Variants in INCA1 observed in about 807,000 individuals in gnomAD.
INCA1 encodes inhibitor of CDK, cyclin A1 interacting protein 1.
A neutral mutation model predicts 25.7 loss-of-function variants in INCA1; 28 were observed. That is an observed-to-expected ratio of 1.09 (90% CI 0.81 to 1.49). The LOEUF (loss-of-function observed/expected upper bound fraction) is 1.49, where lower values mean the gene tolerates loss of function less well. Among genes scored for constraint, INCA1 ranks in the 40% most tolerant of loss-of-function variants. The pLI is 0.00. For missense variants in INCA1, 309 were observed against 290.9 expected (o/e 1.06, Z -0.45); for synonymous variants, 111 against 103.6 (o/e 1.07, Z -0.43).
exon 1 of INCA1, chr17:4,997,023 G>C (rs1974337178): frequency 6.5e-6 from 1 of 152,986 alleles, no homozygotes; most frequent in Admixed American, 6.5e-5. Flanking sequence ...GGGCAGGATG[G>C]AGCTGAAGGA....
chr17:4,990,362 A>G (rs1973789037), intron 2 of INCA1, 97 bp from the exon 3 acceptor site: 1 of 1,401,212 alleles, frequency 7.1e-7, no homozygotes, highest in Non-Finnish European at 9.6e-7. Flanking sequence ...GGGACTATAA[A>G]GCTGCCCAGG....
intron 5 of INCA1, among the ~76,000 whole-genome samples, chr17:4,989,198 C>G (rs953478032): frequency 2.0e-5 from 3 of 152,272 alleles, no homozygotes; most frequent in African/African-American, 2.4e-5. Context: ...ATCTAGTTTC[C>G]ACTCCTTCCA....
At chr17:4,990,772 A>C (rs1389947095) in intron 2 of INCA1, among the ~76,000 whole-genome samples, 1 of 150,802 alleles carries the variant, frequency 6.6e-6, no homozygotes, top group East Asian at 2.0e-4. Context: ...AATCCCAGCT[A>C]CTCGGGAGGC....
intron 5 of INCA1, among the ~76,000 whole-genome samples, 180 bp downstream of exon 5, chr17:4,989,248 C>G (rs1331610703): frequency 1.3e-5 from 2 of 152,306 alleles, no homozygotes; most frequent in Middle Eastern, 3.4e-3. Flanking sequence ...TTCCCTCCTT[C>G]TTTCCATATT....
At chr17:4,996,795 G>A (rs956087775) in intron 1 of INCA1, 4 of 152,934 alleles carry the variant, frequency 2.6e-5, no homozygotes, top group African/African-American at 4.8e-5. Context: ...GGGAACTAGG[G>A]ATGGGCTGGG....
At position 4,988,384 on chromosome 17, in the gene INCA1, C is replaced by CTCGGCA. The variant is rs769050564; in HGVS notation, c.*15_*20dup. On this transcript the variant is annotated 3_prime_UTR_variant, in exon 7 of 7. Transcript: ENST00000576820. The stretch of plus-strand genomic sequence containing the variant: ...TGGGTCCCTGGGGCACCACTAGCCT[C>CTCGGCA]TCGGCATCGGTGGTTTCTCCTTACT... The CTCGGCA allele has an allele frequency of 1.9e-6, 3 of 1,579,716 alleles. No homozygotes were observed. In the African/African-American group the frequency reaches 4.1e-5, roughly 22 times the overall value.
exon 7 of INCA1, chr17:4,988,329 T>G: frequency 6.1e-6 from 9 of 1,464,042 alleles, no homozygotes; most frequent in Non-Finnish European, 8.2e-6. Context: ...ATGTCAGCAA[T>G]GAGGGTGACT....
At chr17:4,989,504 C>T in exon 5 of INCA1, 1 of 1,614,228 alleles carries the variant, frequency 6.2e-7, no homozygotes, top group Non-Finnish European at 8.5e-7. Context: ...GGGACTCCCC[C>T]AAGGCCCTGC....
rs1974151323 is a variant in INCA1, at chr17:4,995,194, ACT to A, written c.-38-721_-38-720del. Among the ~76,000 whole-genome samples, 4 of 150,926 alleles carry A rather than the reference ACT, an allele frequency of 2.7e-5. No homozygotes were observed. The South Asian group carries it at 8.4e-4, about 32-fold the overall frequency. On this transcript the variant is annotated intron_variant, in intron 1 of 6. Coordinates refer to ENST00000576820, the Ensembl canonical transcript of INCA1. ...CACTCCAGACTGGCAACAGAGCAAG[ACT>A]CTGTCTCAAAAAAAAAAAAAAGGTA...
At chr17:4,990,942 C>T (rs1973832367) in intron 2 of INCA1, among the ~76,000 whole-genome samples, 1 of 151,038 alleles carries the variant, frequency 6.6e-6, no homozygotes, top group South Asian at 2.1e-4. Flanking sequence ...TTTATTGAGA[C>T]CGTTTCACTC....
At chr17:4,993,923 C>A (rs937947181) in intron 2 of INCA1, among the ~76,000 whole-genome samples, 1 of 152,080 alleles carries the variant, frequency 6.6e-6, no homozygotes, top group Non-Finnish European at 1.5e-5. Context: ...AGGCGAGCAC[C>A]ACCATGCCTG....
chr17:4,988,965 G>A, intron 5 of INCA1, 21 bp from the exon 6 acceptor site: 1 of 1,601,274 alleles, frequency 6.2e-7, no homozygotes, highest in Non-Finnish European at 8.5e-7. Context: ...TTTAGGCTGA[G>A]GAGAGAAGTG....
At chr17:4,989,755 C>G in intron 4 of INCA1, 131 bp from the exon 5 acceptor site, 1 of 1,548,904 alleles carries the variant, frequency 6.5e-7, no homozygotes, top group Non-Finnish European at 8.9e-7. Context: ...ATGACTGATT[C>G]ATAGAAAGGA....
intron 1 of INCA1, among the ~76,000 whole-genome samples, chr17:4,996,270 G>A (rs1974252931): frequency 1.3e-5 from 2 of 151,574 alleles, no homozygotes; most frequent in Admixed American, 6.6e-5. Context: ...GCTTGTACCC[G>A]GAAGGCTGAG....
chr17:4,996,150 G>A (rs113347127), intron 1 of INCA1, among the ~76,000 whole-genome samples: 8,562 of 151,862 alleles, frequency 0.056, 363 homozygotes, highest in East Asian at 0.21. Flanking sequence ...TTTGGGAGGC[G>A]GAAGTGGGTG....
chr17:4,988,189 G>A, downstream of INCA1: 1 of 476,664 alleles, frequency 2.1e-6, no homozygotes, highest in Admixed American at 4.0e-5. Flanking sequence ...AGCGGGGCCT[G>A]GAGGAAAACA....
Position 4,988,412 on chromosome 17 carries a change from TC to T in INCA1, c.703del (p.Glu235LysfsTer12), listed in dbSNP as rs769503603. 6.2e-7 allele frequency: 1 copy of T among 1,601,372 alleles called. No individual in the cohort carries two copies. The highest frequency in any genetic ancestry group is 8.5e-7 in the Non-Finnish European group (1 of 1,175,500). Reference sequence around the variant, plus strand: ...GGCATCGGTGGTTTCTCCTTACTCTTCAGACGCTGCCAACTCCATCCCCCAG... The same window carrying T: ...GGCATCGGTGGTTTCTCCTTACTCTTAGACGCTGCCAACTCCATCCCCCAG... On this transcript the variant is annotated frameshift_variant, in exon 7 of 7. Coordinates refer to ENST00000576820, the Ensembl canonical transcript of INCA1. LOFTEE classifies it high-confidence loss of function.
In INCA1 at chr17:4,988,926, C is replaced by T. The variant is rs778618489; in HGVS notation, c.414G>A (p.Trp138Ter). 2.5e-6 allele frequency: 4 copies of T among 1,613,864 alleles called. No homozygotes were observed. The highest frequency in any genetic ancestry group is 2.7e-5 in the African/African-American group (2 of 74,936). Residue 138 changes from tryptophan (W) to a stop codon, truncating the protein, a stop_gained, in exon 6 of 7, where the codon TGG becomes TGA. Coordinates refer to ENST00000576820, the Ensembl canonical transcript of INCA1. LOFTEE classifies it high-confidence loss of function. ...GCTCAGATGCAGCCCCAGAGCTGCC[C>T]CACTGGGCCTTCTTCAGTCTGTGGA...
chr17:4,988,244 C>T (rs1597795531), exon 7 of INCA1: 1 of 704,938 alleles, frequency 1.4e-6, no homozygotes, highest in African/African-American at 1.9e-5. Context: ...AGATGGGAGC[C>T]CACGGGGGCT....
Sources: allele counts gnomAD v4.1 joint callset (sites outside exome capture counted in the v4.1 genomes callset), GRCh38; gene constraint gnomAD v4.1.1; transcripts MANE v1.5; gene names NCBI Gene and HGNC (gene_info 2026-07-23, HGNC 2026-07-21).